The following CPNE7 variants were observed in gnomAD, a reference collection of about 807,000 sequenced individuals.
CPNE7 encodes the protein copine-7.
Under a neutral mutation model 66.5 loss-of-function variants are expected in CPNE7, and 78 were observed. The ratio of observed to expected loss-of-function variants is 1.17; its 90% CI spans 0.98 to 1.42. The LOEUF is 1.42. CPNE7 is among the 40% of genes most tolerant of loss of function. The probability of loss-of-function intolerance (pLI) is 0.00; values close to 1 mark genes in which losing one functional copy is unlikely to be tolerated. For missense variants in CPNE7, 1,012 were observed against 776.6 expected, an observed-to-expected ratio of 1.30 and a Z score of -3.60; for synonymous variants, 468 against 336.7, an observed-to-expected ratio of 1.39 and a Z score of -4.27.
Position 89,582,443 on chromosome 16 carries a change from C to A in CPNE7, c.358-1254C>A, listed in dbSNP as rs115039690. 1.5e-3 allele frequency among the ~76,000 whole-genome samples: 230 copies of A among 152,358 alleles called. 2 individuals carry two copies. Among genetic ancestry groups the A allele is most frequent in the African/African-American group, 5.3e-3 (221 of 41,578 alleles). Reference sequence around the variant, plus strand: ...CTCCTGCCAGAAAGGGGAGGCCACTCCTTTCCTGCGCCCTCCCTGGAAGCA... The same window carrying A: ...CTCCTGCCAGAAAGGGGAGGCCACTACTTTCCTGCGCCCTCCCTGGAAGCA... On this transcript the variant is annotated intron_variant, in intron 2 of 14. Coordinates refer to ENST00000319518, the MANE Select transcript of CPNE7 (RefSeq NM_153636.3).
chr16:89,584,467 A>T lies in CPNE7; in HGVS notation c.508-307A>T, dbSNP rs2059004490. ...ACGTGGGTGGGCAGAACAGGGTCCA[A>T]CCCCGCCATGTAGGGCGTCTCCCTG... On this transcript the variant is annotated intron_variant, in intron 4 of 14. Coordinates refer to ENST00000319518, the MANE Select transcript of CPNE7 (RefSeq NM_153636.3). This position sits in a 1 kb window ranked among gnomAD's most constrained non-coding sequence, Gnocchi z 6.0. Among the ~76,000 whole-genome samples the T allele has an allele frequency of 6.6e-6, 1 of 152,058 alleles. No individual in the cohort carries two copies. The highest frequency in any genetic ancestry group is 2.1e-4 in the South Asian group (1 of 4,814).
At position 89,591,162 on chromosome 16, in the gene CPNE7, C is replaced by G. The variant is rs1439055546; in HGVS notation, c.1204C>G (p.Leu402Val). 2 of 1,608,746 alleles carry G rather than the reference C, an allele frequency of 1.2e-6. No individual in the cohort carries two copies. The highest frequency in any genetic ancestry group is 1.7e-6 in the Non-Finnish European group (2 of 1,177,892). Residue 402 changes from leucine (L) to valine (V), a missense_variant, in exon 13 of 15, where the codon CTG (leucine) becomes GTG (valine). Physicochemically the swap from Leu to Val is conservative, Grantham distance 32. Transcript: ENST00000319518. Reference protein sequence around the residue: ...QGVVEAYQNCLPRVQLYGPTN... With the variant: ...QGVVEAYQNCVPRVQLYGPTN... ...CGTGGTGGAGGCCTACCAGAACTGC[C>G]TGCCCAGGGTCCAGCTCTACGGCCC...
intron 13 of CPNE7, among the ~76,000 whole-genome samples, chr16:89,592,929 C>G (rs2059197626): frequency 6.7e-6 from 1 of 148,872 alleles, no homozygotes. Context: ...TCTCCTGACT[C>G]AGCCTCCTGA....
intron 13 of CPNE7, among the ~76,000 whole-genome samples, chr16:89,592,671 T>C (rs1161395204): frequency 6.6e-6 from 1 of 150,606 alleles, no homozygotes; most frequent in Non-Finnish European, 1.5e-5. Context: ...CTTAAACTCC[T>C]GACCTTGTGA....
At chr16:89,594,021 G>A (rs2059214364) in intron 13 of CPNE7, 1 of 152,252 alleles carries the variant, frequency 6.6e-6, no homozygotes, top group Non-Finnish European at 1.5e-5. Flanking sequence ...TCCGTCTGGT[G>A]TTTGTGTTTC....
chr16:89,578,522 G>T (rs2058895982), intron 2 of CPNE7, among the ~76,000 whole-genome samples: 1 of 152,106 alleles, frequency 6.6e-6, no homozygotes, highest in Non-Finnish European at 1.5e-5. Flanking sequence ...CACTGTGGGA[G>T]GCCGAGGCGG....
chr16:89,577,422 C>T, intron 1 of CPNE7, 117 bp from the exon 2 acceptor site: 2 of 1,060,254 alleles, frequency 1.9e-6, no homozygotes, highest in Non-Finnish European at 2.7e-6. Flanking sequence ...GAGGTCTTCC[C>T]AGGGTATGAG....
chr16:89,579,012 C>T (rs373959221), intron 2 of CPNE7: 17 of 1,580,770 alleles, frequency 1.1e-5, no homozygotes, highest in South Asian at 5.7e-5. Flanking sequence ...ATTTACAGGC[C>T]GGGCACGGTG....
intron 13 of CPNE7, among the ~76,000 whole-genome samples, chr16:89,593,043 C>G (rs1227230254): frequency 6.6e-6 from 1 of 151,360 alleles, no homozygotes; most frequent in Non-Finnish European, 1.5e-5. Flanking sequence ...AACTCCTGAC[C>G]TCAAGTGATC....
chr16:89,583,819 C>G lies in CPNE7; in HGVS notation c.432+48C>G, dbSNP rs764886872. The G allele has an allele frequency of 9.4e-6, 15 of 1,597,444 alleles. No homozygotes were observed. The South Asian group carries it at 1.7e-4, about 18-fold the overall frequency. On this transcript the variant is annotated intron_variant, in intron 3 of 14. Transcript: ENST00000319518. ...CAGCCTGCAGGCCCTGCTGCTGTGG[C>G]TCCGAGGGGTGTTGTGGGCGGAAGA...
Position 89,589,914 on chromosome 16 carries a change from CT to C in CPNE7, c.1082del (p.Leu361TrpfsTer80). On this transcript the variant is annotated frameshift_variant, in exon 11 of 15. Coordinates refer to ENST00000319518, the MANE Select transcript of CPNE7 (RefSeq NM_153636.3). LOFTEE classifies it high-confidence loss of function. ...TCTTCCAGTGACAAGAGGTTTTCCG[CT>C]TTGGGGTTTGGAGCCCGGATCCCTC... ...QDYDSDKRFS[A>X]LGFGARIPPK... The C allele has an allele frequency of 3.1e-6, 5 of 1,613,794 alleles. No homozygotes were observed. The highest frequency in any genetic ancestry group is 4.2e-6 in the Non-Finnish European group (5 of 1,179,978).
intron 14 of CPNE7, 101 bp downstream of exon 14, chr16:89,595,704 C>A (rs982020832): frequency 1.9e-6 from 2 of 1,047,374 alleles, no homozygotes; most frequent in Non-Finnish European, 2.9e-6. Context: ...GTGGATGTGG[C>A]AGGTCCCTTC....
chr16:89,577,704 G>C lies in CPNE7; in HGVS notation c.340G>C (p.Glu114Gln). 1 of 1,597,430 alleles carries C rather than the reference G, an allele frequency of 6.3e-7. No homozygotes were observed. Among genetic ancestry groups the C allele is most frequent in the Non-Finnish European group, 8.5e-7 (1 of 1,172,398 alleles). ...CQEDDFLGGMECTLGQIVAQK... is the reference protein window; with the variant it reads ...CQEDDFLGGMQCTLGQIVAQK... ...GGAGGACGATTTCCTGGGGGGCATG[G>C]AGTGCACCCTGGGGCAGGTGGGTGC... The change falls in exon 2 of 15, where the codon GAG becomes CAG. Residue 114 changes from glutamate to glutamine, a missense_variant. Physicochemically the swap from Glu to Gln is conservative, Grantham distance 29 (BLOSUM62 2). Transcript: ENST00000319518.
intron 11 of CPNE7, among the ~76,000 whole-genome samples, chr16:89,590,398 G>A (rs992471032): frequency 2.6e-5 from 4 of 152,044 alleles, no homozygotes; most frequent in Non-Finnish European, 2.9e-5. Context: ...GGTGGCACAT[G>A]CTTGTAATCC....
chr16:89,577,932 G>C (rs2058886392), intron 2 of CPNE7, among the ~76,000 whole-genome samples: 1 of 152,208 alleles, frequency 6.6e-6, no homozygotes, highest in Admixed American at 6.5e-5. Flanking sequence ...AAAGCCTGAA[G>C]GTATAAAAGG....
At chr16:89,587,428 G>A (rs1265162017) in intron 9 of CPNE7, 17 of 381,178 alleles carry the variant, frequency 4.5e-5, no homozygotes, top group African/African-American at 6.9e-5. Context: ...GTCTCCATGC[G>A]CGGCTCCTGG....
intron 11 of CPNE7, among the ~76,000 whole-genome samples, chr16:89,590,224 T>A (rs1272126629): frequency 1.3e-5 from 2 of 152,144 alleles, no homozygotes; most frequent in East Asian, 3.9e-4. Flanking sequence ...CTATTGCACA[T>A]AACAATTCAG....
chr16:89,581,517 C>G (rs1034249959), intron 2 of CPNE7, among the ~76,000 whole-genome samples: 3 of 152,242 alleles, frequency 2.0e-5, no homozygotes, highest in Admixed American at 2.0e-4. Context: ...GTGACTCATC[C>G]CCCTGCAGCC....
chr16:89,587,422 C>T (rs1298967505), intron 9 of CPNE7: 3 of 378,496 alleles, frequency 7.9e-6, no homozygotes, highest in Admixed American at 5.7e-5. Flanking sequence ...GCCGATGTCT[C>T]CATGCGCGGC....
Sources: gnomAD v4.1 joint callset for allele counts (sites outside exome capture counted in the v4.1 genomes callset) on GRCh38, gnomAD v4.1.1 for gene constraint, Gnocchi (gnomAD v3.1) non-coding constraint, MANE v1.5 for transcripts, NCBI Gene and HGNC (gene_info 2026-07-23, HGNC 2026-07-21) for gene names.